MRTFB: variants seen among roughly 807,000 people sequenced by gnomAD.
MRTFB encodes myocardin-related transcription factor B.
A neutral mutation model predicts 104.2 loss-of-function variants in MRTFB; 29 were observed. The ratio of observed to expected loss-of-function variants is 0.28; its 90% CI spans 0.21 to 0.38. The LOEUF (loss-of-function observed/expected upper bound fraction) is 0.38. Among genes scored for constraint, MRTFB ranks in the 10% least tolerant of loss-of-function variants. The probability of loss-of-function intolerance (pLI) is 1.00; values close to 1 mark genes in which losing one functional copy is unlikely to be tolerated. For synonymous variants in MRTFB, 535 were observed against 519.5 expected (o/e 1.03, Z -0.41); for missense variants, 1,270 against 1,341.6 (o/e 0.95, Z 0.83).
At chr16:13,995,527 G>A in the MRTFB span, among the ~76,000 whole-genome samples, 1 of 152,156 alleles carries the variant, frequency 6.6e-6, no homozygotes, top group Non-Finnish European at 1.5e-5. Context: ...TGCAGCCTTT[G>A]GGCTTGGTTC....
intron 3 of MRTFB, among the ~76,000 whole-genome samples, chr16:14,178,980 A>G (rs988847556): frequency 1.3e-5 from 2 of 152,076 alleles, no homozygotes; most frequent in Non-Finnish European, 2.9e-5. Context: ...CGAATTCAAG[A>G]AATCCACCCA....
At chr16:14,016,684 A>G in the MRTFB span, among the ~76,000 whole-genome samples, 1 of 148,852 alleles carries the variant, frequency 6.7e-6, no homozygotes, top group Non-Finnish European at 1.5e-5. Flanking sequence ...GAGGCAGGAG[A>G]ATGGCTTGAA....
In MRTFB at chr16:14,262,213, T is replaced by C. The variant is rs536890992; in HGVS notation, c.*769T>C. On this transcript the variant is annotated 3_prime_UTR_variant, in exon 17 of 17. Transcript: ENST00000571589. Reference sequence around the variant, plus strand: ...GGTTGGTTAGATTGATTTTAATGTATATATTAGACATTTGTATGTATGCTC... The same window carrying C: ...GGTTGGTTAGATTGATTTTAATGTACATATTAGACATTTGTATGTATGCTC... 1.8e-4 allele frequency: 28 copies of C among 152,376 alleles called. No homozygotes were observed. Among genetic ancestry groups the C allele is most frequent in the African/African-American group, 6.7e-4 (28 of 41,582 alleles). The allele number at this position is 152,376 out of a possible 1,614,324, so 9.4% of individuals were successfully genotyped here.
chr16:14,030,665 A>G, the MRTFB span, among the ~76,000 whole-genome samples: 44 of 152,212 alleles, frequency 2.9e-4, no homozygotes, highest in African/African-American at 9.4e-4. Flanking sequence ...ACCTCACTTT[A>G]CAGACGAGGA....
the MRTFB span, among the ~76,000 whole-genome samples, chr16:14,016,372 A>ATTT: frequency 4.5e-4 from 68 of 150,946 alleles, no homozygotes; most frequent in African/African-American, 7.5e-4. Context: ...TTTAAATATG[A>ATTT]TTTTTTTTAG....
intron 3 of MRTFB, chr16:14,151,813 T>G (rs2038628270): frequency 1.3e-5 from 2 of 152,138 alleles, no homozygotes; most frequent in African/African-American, 4.8e-5. Flanking sequence ...TTTCAAATAT[T>G]AAAGCATGTG....
At position 14,262,844 on chromosome 16, in the gene MRTFB, A is replaced by C. The variant is rs2043821609; in HGVS notation, c.*1400A>C. On this transcript the variant is annotated 3_prime_UTR_variant, in exon 17 of 17. Coordinates refer to ENST00000571589, the MANE Select transcript of MRTFB (RefSeq NM_001308142.2). ...GCATGGAGATTTTTCTTAAATAATA[A>C]TATTGTGCTCTCCACCTCACCCTTG... The C allele has an allele frequency of 6.6e-6, 1 of 152,218 alleles. No individual in the cohort carries two copies. The highest frequency in any genetic ancestry group is 1.5e-5 in the Non-Finnish European group (1 of 68,026). 9.4% of individuals were successfully genotyped at this position (152,218 alleles called of 1,614,324 possible). A position where few individuals can be genotyped will look rare whatever the true frequency, so the allele number is the denominator to read the frequency against.
intron 15 of MRTFB, among the ~76,000 whole-genome samples, chr16:14,255,514 A>G (rs2151451529): frequency 1.3e-5 from 2 of 152,390 alleles, no homozygotes; most frequent in East Asian, 3.9e-4. Flanking sequence ...TTGTCAACCC[A>G]GAATTCTATT....
intron 3 of MRTFB, among the ~76,000 whole-genome samples, chr16:14,184,222 A>ATT (rs561797213): frequency 3.7e-5 from 5 of 134,966 alleles, no homozygotes; most frequent in Non-Finnish European, 6.4e-5. Flanking sequence ...AAAGTATTTG[A>ATT]TTTTTTTTTT....
chr16:14,055,408 C>T, the MRTFB span, among the ~76,000 whole-genome samples: 3 of 152,166 alleles, frequency 2.0e-5, no homozygotes, highest in South Asian at 2.1e-4. Context: ...ACTAATCTAT[C>T]GACTGTATTC....
At chr16:13,997,794 A>C in the MRTFB span, among the ~76,000 whole-genome samples, 1 of 135,250 alleles carries the variant, frequency 7.4e-6, no homozygotes, top group African/African-American at 3.5e-5. Flanking sequence ...CCCTATCTCA[A>C]AAAAAAAAAA....
the MRTFB span, among the ~76,000 whole-genome samples, chr16:14,013,871 A>G: frequency 0.17 from 25,871 of 152,164 alleles, 3,452 homozygotes; most frequent in African/African-American, 0.37. Flanking sequence ...GGTCTCACTC[A>G]CTGGAGGACC....
the MRTFB span, among the ~76,000 whole-genome samples, chr16:14,015,043 A>G: frequency 1.3e-5 from 2 of 152,064 alleles, no homozygotes; most frequent in African/African-American, 4.8e-5. Context: ...AGGATTTCAT[A>G]CTATTGTTTG....
the MRTFB span, among the ~76,000 whole-genome samples, chr16:14,003,530 C>T: frequency 1.3e-5 from 2 of 152,282 alleles, no homozygotes; most frequent in Admixed American, 6.5e-5. Context: ...AGAGGCGTCT[C>T]CCAGCCTGCT....
At chr16:14,117,860 A>G (rs2036621734) in intron 2 of MRTFB, among the ~76,000 whole-genome samples, 1 of 152,224 alleles carries the variant, frequency 6.6e-6, no homozygotes. Flanking sequence ...CATAGGTTTA[A>G]TATAGACAAC....
At chr16:14,034,255 G>C in the MRTFB span, among the ~76,000 whole-genome samples, 4 of 152,246 alleles carry the variant, frequency 2.6e-5, no homozygotes, top group Non-Finnish European at 5.9e-5. Flanking sequence ...TGGAAGCTGT[G>C]AGGGAGAACC....
At chr16:14,187,979 C>A (rs867868923) in intron 3 of MRTFB, among the ~76,000 whole-genome samples, 1 of 152,164 alleles carries the variant, frequency 6.6e-6, no homozygotes, top group Non-Finnish European at 1.5e-5. Flanking sequence ...CTTATAGAGA[C>A]CCAGAGAGTA....
intron 3 of MRTFB, among the ~76,000 whole-genome samples, chr16:14,192,227 C>T (rs2040218527): frequency 6.6e-6 from 1 of 151,572 alleles, no homozygotes; most frequent in South Asian, 2.1e-4. Flanking sequence ...AAAAAATAAG[C>T]CAGGTGTGCT....
intron 2 of MRTFB, among the ~76,000 whole-genome samples, chr16:14,128,905 A>T (rs1393503133): frequency 6.6e-6 from 1 of 152,244 alleles, no homozygotes; most frequent in East Asian, 1.9e-4. Context: ...ACCAAGATAC[A>T]GAACAGTTCC....
Sources: allele counts gnomAD v4.1 joint callset (sites outside exome capture counted in the v4.1 genomes callset), GRCh38; gene constraint gnomAD v4.1.1; transcripts MANE v1.5; gene names NCBI Gene and HGNC (gene_info 2026-07-23, HGNC 2026-07-21).